The following TRIM51G variants were observed in gnomAD, a reference collection of about 807,000 sequenced individuals.
The protein encoded by TRIM51G is tripartite motif-containing protein 51G.
the TRIM51G span, chr11:48,981,469 A>G: frequency 8.1e-6 from 13 of 1,607,396 alleles, no homozygotes; most frequent in Non-Finnish European, 1.1e-5. Flanking sequence ...TTTTCTGGCA[A>G]TGGAAGCCAT....
chr11:48,982,947 GTATATATACATATATA>G, the TRIM51G span, among the ~76,000 whole-genome samples: 900 of 86,036 alleles, frequency 0.01, 28 homozygotes, highest in African/African-American at 0.027. Flanking sequence ...AGTATTTTTG[GTATATATACATATATA>G]TATATATATA....
the TRIM51G span, among the ~76,000 whole-genome samples, chr11:48,977,665 T>C: frequency 7.2e-5 from 11 of 152,292 alleles, no homozygotes; most frequent in East Asian, 1.7e-3. Flanking sequence ...TTGTTTCATC[T>C]ATTTTTCAGA....
chr11:48,981,420 T>C, the TRIM51G span: 12 of 1,607,700 alleles, frequency 7.5e-6, no homozygotes, highest in African/African-American at 1.6e-4. Context: ...GCGTCCCACA[T>C]ATTTGCTCCT....
the TRIM51G span, chr11:48,978,041 T>C: frequency 2.1e-6 from 1 of 468,414 alleles, no homozygotes; most frequent in East Asian, 6.9e-5. Flanking sequence ...CACAAGGTAG[T>C]ATCAATATCT....
At chr11:48,978,872 C>T in the TRIM51G span, 1 of 1,331,278 alleles carries the variant, frequency 7.5e-7, no homozygotes, top group Non-Finnish European at 1.1e-6. Context: ...CAGTCCGTAC[C>T]TGGAATAGCT....
the TRIM51G span, among the ~76,000 whole-genome samples, chr11:48,976,210 T>A: frequency 6.6e-6 from 1 of 152,134 alleles, no homozygotes; most frequent in Non-Finnish European, 1.5e-5. Flanking sequence ...ATTGAAAATT[T>A]ATTGAAAACT....
chr11:48,981,281 T>G, the TRIM51G span: 24 of 1,604,482 alleles, frequency 1.5e-5, 1 homozygote, highest in Middle Eastern at 2.3e-4. Context: ...GAGGCATCAC[T>G]TACCCGGCGT....
the TRIM51G span, chr11:48,981,730 G>A: frequency 3.0e-5 from 48 of 1,586,928 alleles, no homozygotes; most frequent in Non-Finnish European, 3.9e-5. Flanking sequence ...TGTCATTTTG[G>A]GTTCTGGGTT....
the TRIM51G span, chr11:48,980,979 T>G: frequency 1.9e-6 from 1 of 539,216 alleles, no homozygotes; most frequent in Admixed American, 2.2e-5. Flanking sequence ...CCATAAAGAC[T>G]GCATTTTTCT....
chr11:48,983,798 T>C, the TRIM51G span, among the ~76,000 whole-genome samples: 1 of 152,084 alleles, frequency 6.6e-6, no homozygotes, highest in Non-Finnish European at 1.5e-5. Flanking sequence ...CTTTTAAGTA[T>C]TCCCCAAGAT....
the TRIM51G span, among the ~76,000 whole-genome samples, chr11:48,980,555 A>T: frequency 3.3e-5 from 5 of 152,250 alleles, no homozygotes; most frequent in Middle Eastern, 6.8e-3. Context: ...GCCTTAGAAG[A>T]GTCACCTGAA....
chr11:48,978,311 C>T, the TRIM51G span, among the ~76,000 whole-genome samples: 3 of 152,182 alleles, frequency 2.0e-5, no homozygotes, highest in South Asian at 6.2e-4. Flanking sequence ...CATGAAAATC[C>T]CAGTCTATCA....
the TRIM51G span, among the ~76,000 whole-genome samples, chr11:48,976,714 A>G: frequency 6.6e-6 from 1 of 152,156 alleles, no homozygotes; most frequent in Non-Finnish European, 1.5e-5. Context: ...CTATTCCCCA[A>G]TGAAATGTTT....
the TRIM51G span, among the ~76,000 whole-genome samples, chr11:48,976,162 T>C: frequency 6.6e-6 from 1 of 152,118 alleles, no homozygotes; most frequent in Non-Finnish European, 1.5e-5. Flanking sequence ...GGATGATTAA[T>C]ATTCTCTATA....
the TRIM51G span, chr11:48,980,827 G>T: frequency 2.3e-6 from 1 of 427,908 alleles, no homozygotes; most frequent in Non-Finnish European, 4.8e-6. Context: ...ATTATGGGTT[G>T]AGATCAAGTT....
chr11:48,978,867 C>T, the TRIM51G span: 572 of 1,250,968 alleles, frequency 4.6e-4, 5 homozygotes, highest in African/African-American at 7.5e-3. Context: ...ATGGTCAGTC[C>T]GTACCTGGAA....
chr11:48,978,864 G>A, the TRIM51G span: 1 of 1,206,850 alleles, frequency 8.3e-7, no homozygotes, highest in East Asian at 2.3e-5. Context: ...CCCATGGTCA[G>A]TCCGTACCTG....
chr11:48,982,606 C>T, the TRIM51G span, among the ~76,000 whole-genome samples: 1 of 151,834 alleles, frequency 6.6e-6, no homozygotes, highest in Non-Finnish European at 1.5e-5. Context: ...CTCTTTTTCT[C>T]CTGAAGCTGA....
At chr11:48,982,956 CATATATATATAT>C in the TRIM51G span, among the ~76,000 whole-genome samples, 1 of 33,050 alleles carries the variant, frequency 3.0e-5, no homozygotes, top group African/African-American at 1.0e-4. Context: ...GGTATATATA[CATATATATATAT>C]ATATATATAT....
Sources: allele counts gnomAD v4.1 joint callset (sites outside exome capture counted in the v4.1 genomes callset), GRCh38; gene constraint gnomAD v4.1.1; transcripts MANE v1.5; gene names NCBI Gene and HGNC (gene_info 2026-07-23, HGNC 2026-07-21).